ANO3: variants seen among roughly 807,000 people sequenced by gnomAD.
ANO3 encodes anoctamin 3.
In ANO3, 99 loss-of-function variants were observed where a neutral mutation model predicts 144.8. The observed-to-expected ratio is 0.68, with a 90% CI of 0.58 to 0.81. The LOEUF (loss-of-function observed/expected upper bound fraction) is 0.81, where lower values mean the gene tolerates loss of function less well. Ranked by LOEUF, ANO3 falls within the 30% of genes least tolerant of loss-of-function variation. ANO3 has a pLI of 0.00. For missense variants in ANO3, 905 were observed against 1,202.2 expected (o/e 0.75, Z 3.66); for synonymous variants, 414 against 392.6 (o/e 1.05, Z -0.64).
In ANO3 at chr11:26,663,048, T is replaced by C. The variant is rs778195227; in HGVS notation, c.*2604T>C. The C allele has an allele frequency of 1.3e-5, 2 of 152,470 alleles. No individual in the cohort carries two copies. Among genetic ancestry groups the C allele is most frequent in the Non-Finnish European group, 2.9e-5 (2 of 67,972 alleles). The allele number at this position is 152,470 out of a possible 1,614,324, so 9.4% of individuals were successfully genotyped here. A position where few individuals can be genotyped will look rare whatever the true frequency, so the allele number is the denominator to read the frequency against. Reference sequence around the variant, plus strand: ...CATGCAGTCTGCCTTGACAAGTTGTTCCAAGCTGAAGAGCTTTCACTGTAC... The same window carrying C: ...CATGCAGTCTGCCTTGACAAGTTGTCCCAAGCTGAAGAGCTTTCACTGTAC... On this transcript the variant is annotated 3_prime_UTR_variant, in exon 27 of 27. Transcript: ENST00000256737.
chr11:26,553,433 G>T, intron 13 of ANO3, 88 bp downstream of exon 13: 1 of 837,832 alleles, frequency 1.2e-6, no homozygotes, highest in South Asian at 1.8e-5. Context: ...TTTTACCAAA[G>T]TTAAGTGTTC....
Position 26,351,305 on chromosome 11 carries a change from T to C in ANO3, c.46+18984T>C, listed in dbSNP as rs1018584062. Among the ~76,000 whole-genome samples, 3 of 152,200 alleles carry C rather than the reference T, an allele frequency of 2.0e-5. No individual in the cohort carries two copies. In the East Asian group the frequency reaches 5.8e-4, roughly 29 times the overall value. On this transcript the variant is annotated intron_variant, in intron 1 of 26. Coordinates refer to ENST00000256737, the MANE Select transcript of ANO3 (RefSeq NM_031418.4). ...GTGACCCTAAATCACGTTTTTAACT[T>C]ACCCTGCTCTGTTTTTATCTTAATG...
Position 26,590,833 on chromosome 11 carries a change from C to T in ANO3, c.1448-7532C>T, listed in dbSNP as rs114644521. ...GCAAATGGCAGTGGTGGACGGCAAGCGAAAGCTCAGCTTGAGCCGTAACAA... is the reference window on the plus strand; with the variant it reads ...GCAAATGGCAGTGGTGGACGGCAAGTGAAAGCTCAGCTTGAGCCGTAACAA... On this transcript the variant is annotated intron_variant, in intron 14 of 26. Transcript: ENST00000256737. Among the ~76,000 whole-genome samples the T allele has an allele frequency of 2.4e-3, 359 of 152,060 alleles. 2 individuals carry two copies. The highest frequency in any genetic ancestry group is 8.3e-3 in the African/African-American group (343 of 41,474).
intron 1 of ANO3, among the ~76,000 whole-genome samples, chr11:26,202,793 T>C (rs1409879496): frequency 6.6e-6 from 1 of 152,044 alleles, no homozygotes; most frequent in Non-Finnish European, 1.5e-5. Flanking sequence ...TTCCTCTGGA[T>C]GTCTAGAATT....
chr11:26,205,728 A>T (rs1851783507), intron 1 of ANO3, among the ~76,000 whole-genome samples: 1 of 152,210 alleles, frequency 6.6e-6, no homozygotes, highest in Non-Finnish European at 1.5e-5. Flanking sequence ...GGTATACTGT[A>T]TAGTCATATT....
intron 1 of ANO3, among the ~76,000 whole-genome samples, chr11:26,361,435 A>G (rs547377719): frequency 6.6e-6 from 1 of 152,214 alleles, no homozygotes; most frequent in Admixed American, 6.5e-5. Flanking sequence ...CAACACAGAA[A>G]TGTGATTTAA....
At chr11:26,498,858 AG>A (rs1277357118) in intron 4 of ANO3, among the ~76,000 whole-genome samples, 4 of 151,882 alleles carry the variant, frequency 2.6e-5, no homozygotes, top group African/African-American at 4.8e-5. Flanking sequence ...ACAATATTGA[AG>A]ATCATTTTTA....
At chr11:26,455,026 C>A (rs1302424226) in intron 3 of ANO3, among the ~76,000 whole-genome samples, 1 of 151,198 alleles carries the variant, frequency 6.6e-6, no homozygotes, top group Admixed American at 6.6e-5. Context: ...TTCAACAACA[C>A]TTCATGCTAA....
At chr11:26,643,145 G>A in intron 22 of ANO3, 37 bp from the exon 23 acceptor site, 1 of 1,602,140 alleles carries the variant, frequency 6.2e-7, no homozygotes, top group Non-Finnish European at 8.5e-7. Flanking sequence ...CACAAAGGAA[G>A]TTTATATAGT....
chr11:26,597,872 C>G (rs2132922926), intron 14 of ANO3, among the ~76,000 whole-genome samples: 1 of 152,288 alleles, frequency 6.6e-6, no homozygotes. Context: ...GTAGAGTCCA[C>G]CCAGAATATG....
At chr11:26,253,206 C>T (rs971587808) in intron 1 of ANO3, among the ~76,000 whole-genome samples, 7 of 152,124 alleles carry the variant, frequency 4.6e-5, no homozygotes, top group South Asian at 2.1e-4. Context: ...CTTTACATGA[C>T]AAAAGTGTGC....
At chr11:26,304,723 T>C (rs866455281), upstream of ANO3, among the ~76,000 whole-genome samples, 3 of 152,182 alleles carry the variant, frequency 2.0e-5, no homozygotes, top group South Asian at 2.1e-4. Flanking sequence ...CAAGTTTTCT[T>C]AGGATTTGTG....
chr11:26,392,500 G>T (rs1856908552), intron 1 of ANO3, among the ~76,000 whole-genome samples: 2 of 151,820 alleles, frequency 1.3e-5, no homozygotes, highest in South Asian at 4.2e-4. Context: ...TTTTAATAGG[G>T]GTGAGATATT....
chr11:26,643,448 A>C, intron 23 of ANO3, 114 bp downstream of exon 23: 1 of 1,323,356 alleles, frequency 7.6e-7, no homozygotes, highest in Non-Finnish European at 1.0e-6. Flanking sequence ...CATAGTATTA[A>C]GAGGCCTTTA....
chr11:26,655,425 C>A (rs1214489740), intron 24 of ANO3, among the ~76,000 whole-genome samples: 2 of 152,150 alleles, frequency 1.3e-5, no homozygotes, highest in Admixed American at 1.3e-4. Flanking sequence ...TCATGTAGTT[C>A]TTGTTTCCAT....
intron 9 of ANO3, 21 bp downstream of exon 9, chr11:26,534,583 C>T (rs780996462): frequency 6.0e-6 from 9 of 1,510,870 alleles, no homozygotes; most frequent in Admixed American, 3.4e-5. Context: ...TAATTAATAA[C>T]AGAGTAGAAC....
intron 1 of ANO3, among the ~76,000 whole-genome samples, chr11:26,249,801 GAGAA>G (rs1043403989): frequency 5.9e-5 from 9 of 151,882 alleles, no homozygotes; most frequent in African/African-American, 2.2e-4. Context: ...AAGAAAGAAA[GAGAA>G]AGAAAGAATA....
chr11:26,223,609 A>C (rs1361117225), intron 1 of ANO3, among the ~76,000 whole-genome samples: 3 of 151,456 alleles, frequency 2.0e-5, no homozygotes, highest in Non-Finnish European at 4.4e-5. Context: ...TAATAAAAAA[A>C]AAAAAAAAAA....
At chr11:26,476,942 AG>A in intron 4 of ANO3, among the ~76,000 whole-genome samples, 2 of 151,262 alleles carry the variant, frequency 1.3e-5, no homozygotes, top group Non-Finnish European at 3.0e-5. Flanking sequence ...TGAGAGAGAG[AG>A]AGAGAGAGAC....
Sources: gnomAD v4.1 joint callset for allele counts (sites outside exome capture counted in the v4.1 genomes callset) on GRCh38, gnomAD v4.1.1 for gene constraint, MANE v1.5 for transcripts, NCBI Gene and HGNC (gene_info 2026-07-23, HGNC 2026-07-21) for gene names.